STRAP: variants seen among roughly 807,000 people sequenced by gnomAD.
STRAP encodes serine/threonine kinase receptor associated protein.
A neutral mutation model predicts 47.0 loss-of-function variants in STRAP; 16 were observed. The observed-to-expected ratio is 0.34, with a 90% CI of 0.23 to 0.52. The LOEUF (loss-of-function observed/expected upper bound fraction) is 0.52. STRAP is among the 20% of genes least tolerant of loss of function. STRAP has a pLI of 0.96. For synonymous variants in STRAP, 130 were observed against 142.7 expected (o/e 0.91, Z 0.63); for missense variants, 293 against 420.0 (o/e 0.70, Z 2.64).
chr12:15,892,860 T>C (rs963027456), intron 4 of STRAP, among the ~76,000 whole-genome samples: 1 of 152,128 alleles, frequency 6.6e-6, no homozygotes, highest in African/African-American at 2.4e-5. Context: ...AGTTCAGGGA[T>C]TGGGTTGACA....
intron 2 of STRAP, among the ~76,000 whole-genome samples, chr12:15,884,445 A>C (rs1331990928): frequency 6.6e-6 from 1 of 151,668 alleles, no homozygotes; most frequent in Admixed American, 6.6e-5. Flanking sequence ...GTACATTAGA[A>C]TATCTGGAGA....
rs371637512 is a variant in STRAP, at chr12:15,890,687, A to G, written c.403+18A>G. The G allele has an allele frequency of 7.0e-6, 11 of 1,573,806 alleles. No homozygotes were observed. Among genetic ancestry groups the G allele is most frequent in the African/African-American group, 5.5e-5 (4 of 73,116 alleles). ...TGAAGCAGGTAAGCATAATTTAAACATCAGCTTCTAGTTTTATTTTCTTTT... is the reference window on the plus strand; with the variant it reads ...TGAAGCAGGTAAGCATAATTTAAACGTCAGCTTCTAGTTTTATTTTCTTTT... On this transcript the variant is annotated intron_variant, in intron 4 of 9. Coordinates refer to ENST00000419869, the MANE Select transcript of STRAP (RefSeq NM_007178.4). This position sits in a 1 kb window ranked among gnomAD's most constrained non-coding sequence, Gnocchi z 4.5.
Position 15,882,665 on chromosome 12 carries a change from C to G in STRAP, c.-43C>G, listed in dbSNP as rs2136105905. ...CAGCAGAAGAGAGAAAAGACAACGA[C>G]GACCCTCAGCTCGCCAGTCCGGTCG... On this transcript the variant is annotated 5_prime_UTR_variant, in exon 1 of 10. Coordinates refer to ENST00000419869, the MANE Select transcript of STRAP (RefSeq NM_007178.4). The G allele has an allele frequency of 6.5e-7, 1 of 1,533,760 alleles. No individual in the cohort carries two copies. The highest frequency in any genetic ancestry group is 2.3e-5 in the East Asian group (1 of 43,688).
Position 15,894,224 on chromosome 12 carries a change from C to G in STRAP, c.500+81C>G. On this transcript the variant is annotated intron_variant, in intron 5 of 9. Transcript: ENST00000419869. This position sits in a 1 kb window ranked among gnomAD's most constrained non-coding sequence, Gnocchi z 4.9. The stretch of plus-strand genomic sequence containing the variant: ...CCTATAATCTCAGCACTTTGGGAGG[C>G]GAGCCGGGTGGATCATTAGAGGTCA... 1.8e-6 allele frequency: 2 copies of G among 1,106,482 alleles called. No individual in the cohort carries two copies. The highest frequency in any genetic ancestry group is 2.7e-6 in the Non-Finnish European group (2 of 738,744). The allele number at this position is 1,106,482 out of a possible 1,614,324, so 68.5% of individuals were successfully genotyped here. A position where few individuals can be genotyped will look rare whatever the true frequency, so the allele number is the denominator to read the frequency against.
chr12:15,894,260 A>AC lies in STRAP; in HGVS notation c.500+119dup, dbSNP rs1948041995. On this transcript the variant is annotated intron_variant, in intron 5 of 9. Coordinates refer to ENST00000419869, the MANE Select transcript of STRAP (RefSeq NM_007178.4). The surrounding 1 kb of genome is among the most constrained non-coding windows in gnomAD (Gnocchi z 4.9). The stretch of plus-strand genomic sequence containing the variant: ...GATCATTAGAGGTCAGGAGTACTAG[A>AC]CCAGCCTGGCCGACATGGCGAAATA... 3 of 722,002 alleles carry AC rather than the reference A, an allele frequency of 4.2e-6. No individual in the cohort carries two copies. 44.7% of individuals were successfully genotyped at this position (722,002 alleles called of 1,614,324 possible).
chr12:15,891,185 T>C (rs1407565312), intron 4 of STRAP, among the ~76,000 whole-genome samples: 1 of 152,246 alleles, frequency 6.6e-6, no homozygotes, highest in African/African-American at 2.4e-5. Context: ...TATGTTGCTA[T>C]TGTATAACCT....
rs745535408 is a variant in STRAP, at chr12:15,894,168, T to C, written c.500+25T>C. On this transcript the variant is annotated intron_variant, in intron 5 of 9. Transcript: ENST00000419869. This position sits in a 1 kb window ranked among gnomAD's most constrained non-coding sequence, Gnocchi z 4.9. ...GGTAAGTAATTTTTCTTTAATAATT[T>C]ACAATTTAAGGCCGGGCATGGTGGC... The C allele has an allele frequency of 5.7e-6, 9 of 1,591,516 alleles. No individual in the cohort carries two copies. Among genetic ancestry groups the C allele is most frequent in the Middle Eastern group, 4.3e-4 (2 of 4,656 alleles).
At chr12:15,884,646 T>C (rs924204193) in intron 2 of STRAP, among the ~76,000 whole-genome samples, 2 of 152,202 alleles carry the variant, frequency 1.3e-5, no homozygotes, top group Non-Finnish European at 2.9e-5. Context: ...TTGGCCTCCA[T>C]GCCTCAGCCT....
Position 15,890,711 on chromosome 12 carries a change from T to C in STRAP, c.403+42T>C. ...CATCAGCTTCTAGTTTTATTTTCTT[T>C]TAATTTAAATAACTGATTAAAGAAT... On this transcript the variant is annotated intron_variant, in intron 4 of 9. Coordinates refer to ENST00000419869, the MANE Select transcript of STRAP (RefSeq NM_007178.4). The surrounding 1 kb of genome is among the most constrained non-coding windows in gnomAD (Gnocchi z 4.5). 6.8e-7 allele frequency: 1 copy of C among 1,478,810 alleles called. No individual in the cohort carries two copies. Among genetic ancestry groups the C allele is most frequent in the Non-Finnish European group, 9.3e-7 (1 of 1,078,988 alleles). 91.6% of individuals were successfully genotyped at this position (1,478,810 alleles called of 1,614,324 possible). A position where few individuals can be genotyped will look rare whatever the true frequency, so the allele number is the denominator to read the frequency against.
At chr12:15,888,558 G>A (rs906919995) in intron 2 of STRAP, among the ~76,000 whole-genome samples, 6 of 152,150 alleles carry the variant, frequency 3.9e-5, no homozygotes, top group Admixed American at 2.6e-4. Flanking sequence ...GAGCATTCCT[G>A]TTAGATGGTC....
intron 9 of STRAP, 102 bp downstream of exon 9, chr12:15,901,114 A>G: frequency 2.6e-6 from 2 of 782,702 alleles, no homozygotes; most frequent in Non-Finnish European, 3.8e-6. Flanking sequence ...TTAAATATGA[A>G]CATATTTAAA....
At chr12:15,900,116 C>A in intron 8 of STRAP, 63 bp downstream of exon 8, 1 of 1,475,060 alleles carries the variant, frequency 6.8e-7, no homozygotes, top group Non-Finnish European at 9.2e-7. Context: ...CATTTTTAAT[C>A]ATTAATTTTA....
chr12:15,896,529 G>A lies in STRAP; in HGVS notation c.638+1033G>A, dbSNP rs1018022916. ...ATTTTTCTATGTTATATATGTGGGT[G>A]TACAGTATTTGTGTTTTTTTTTTTA... On this transcript the variant is annotated intron_variant, in intron 6 of 9. Transcript: ENST00000419869. The surrounding 1 kb of genome is among the most constrained non-coding windows in gnomAD (Gnocchi z 4.1). Among the ~76,000 whole-genome samples, 7 of 151,682 alleles carry A rather than the reference G, an allele frequency of 4.6e-5. No homozygotes were observed. Among genetic ancestry groups the A allele is most frequent in the Admixed American group, 2.0e-4 (3 of 15,246 alleles).
intron 2 of STRAP, among the ~76,000 whole-genome samples, chr12:15,885,636 C>G (rs1378885498): frequency 6.6e-6 from 1 of 151,826 alleles, no homozygotes; most frequent in Non-Finnish European, 1.5e-5. Flanking sequence ...ACTGTATGCT[C>G]TTGTTTATTG....
At chr12:15,898,905 A>C (rs974343301) in intron 7 of STRAP, among the ~76,000 whole-genome samples, 1 of 152,216 alleles carries the variant, frequency 6.6e-6, no homozygotes, top group Non-Finnish European at 1.5e-5. Context: ...ACATTGATGC[A>C]TCTGGGTTGC....
intron 9 of STRAP, 22 bp from the exon 10 acceptor site, chr12:15,902,895 T>TTC (rs1948116729): frequency 7.1e-7 from 1 of 1,408,028 alleles, no homozygotes; most frequent in East Asian, 2.6e-5. Flanking sequence ...CTTTTTTTTT[T>TTC]TTTTTTTTTT....
rs976382477 is a variant in STRAP, at chr12:15,890,393, G to A, written c.331-204G>A. 2.0e-5 allele frequency among the ~76,000 whole-genome samples: 3 copies of A among 152,162 alleles called. No individual in the cohort carries two copies. The highest frequency in any genetic ancestry group is 4.8e-5 in the African/African-American group (2 of 41,460). ...TCATGTATATGTAGTGTAGTGTAAC[G>A]CTTTTGAAGTGGAAAGCTTACAAGT... On this transcript the variant is annotated intron_variant, in intron 3 of 9. Coordinates refer to ENST00000419869, the MANE Select transcript of STRAP (RefSeq NM_007178.4). The surrounding 1 kb of genome is among the most constrained non-coding windows in gnomAD (Gnocchi z 4.5).
At position 15,890,803 on chromosome 12, in the gene STRAP, T is replaced by TA. The variant is rs2136109735; in HGVS notation, c.403+136dup. The TA allele has an allele frequency of 7.3e-6, 5 of 687,228 alleles. No homozygotes were observed. In the East Asian group the frequency reaches 1.5e-4, roughly 21 times the overall value. 42.6% of individuals were successfully genotyped at this position (687,228 alleles called of 1,614,324 possible). A position where few individuals can be genotyped will look rare whatever the true frequency, so the allele number is the denominator to read the frequency against. ...GGCCGGGCACGGTGGCTCATACCTG[T>TA]AATCCTAGCACTTTGGGAGACTGAG... On this transcript the variant is annotated intron_variant, in intron 4 of 9. Transcript: ENST00000419869. This position sits in a 1 kb window ranked among gnomAD's most constrained non-coding sequence, Gnocchi z 4.5.
At chr12:15,886,549 A>G (rs949034040) in intron 2 of STRAP, among the ~76,000 whole-genome samples, 4 of 152,192 alleles carry the variant, frequency 2.6e-5, no homozygotes, top group African/African-American at 9.7e-5. Flanking sequence ...CTGAAGTCCA[A>G]TATGATCTCT....
Sources: gnomAD v4.1 joint callset for allele counts (sites outside exome capture counted in the v4.1 genomes callset) on GRCh38, gnomAD v4.1.1 for gene constraint, Gnocchi (gnomAD v3.1) non-coding constraint, MANE v1.5 for transcripts, NCBI Gene and HGNC (gene_info 2026-07-23, HGNC 2026-07-21) for gene names.